Variants in STOX1 observed in about 807,000 individuals in gnomAD.
STOX1 encodes storkhead-box protein 1.
In STOX1, 57 loss-of-function variants were observed where a neutral mutation model predicts 74.8. The observed-to-expected ratio is 0.76, with a 90% CI of 0.62 to 0.95. The LOEUF (loss-of-function observed/expected upper bound fraction) is 0.95. Ranked by LOEUF, STOX1 falls within the 40% of genes least tolerant of loss-of-function variation. The pLI, the probability that STOX1 is intolerant of heterozygous loss-of-function variation, is 0.00. For missense variants in STOX1, 1,010 were observed against 1,117.0 expected, an observed-to-expected ratio of 0.90 and a Z score of 1.37; for synonymous variants, 375 against 401.3, an observed-to-expected ratio of 0.93 and a Z score of 0.78.
At chr10:68,839,420 G>A (rs911007384) in intron 1 of STOX1, among the ~76,000 whole-genome samples, 2 of 151,912 alleles carry the variant, frequency 1.3e-5, no homozygotes, top group African/African-American at 2.4e-5. Context: ...ACAGGGTCTC[G>A]CTCTTTTGCC....
At chr10:68,831,421 G>T (rs1176558166) in intron 1 of STOX1, among the ~76,000 whole-genome samples, 1 of 152,148 alleles carries the variant, frequency 6.6e-6, no homozygotes, top group African/African-American at 2.4e-5. Flanking sequence ...TCCTGACTCA[G>T]GTGATCCGCC....
chr10:68,878,645 A>G lies in STOX1; in HGVS notation c.311-3313A>G, dbSNP rs182507294. Among the ~76,000 whole-genome samples, 18 of 152,310 alleles carry G rather than the reference A, an allele frequency of 1.2e-4. No individual in the cohort carries two copies. In the East Asian group the frequency reaches 3.5e-3, roughly 29 times the overall value. ...AGAAGCTTAAGCAAACAAGGGAACAATGGAAAGTATAACAGCAAACTGCTT... is the reference window on the plus strand; with the variant it reads ...AGAAGCTTAAGCAAACAAGGGAACAGTGGAAAGTATAACAGCAAACTGCTT... On this transcript the variant is annotated intron_variant, in intron 1 of 3. Transcript: ENST00000298596.
chr10:68,850,732 G>C (rs1839963399), intron 1 of STOX1, among the ~76,000 whole-genome samples: 1 of 152,222 alleles, frequency 6.6e-6, no homozygotes, highest in Non-Finnish European at 1.5e-5. Context: ...CCAGCACTGG[G>C]AGGCCAAGGC....
intron 1 of STOX1, among the ~76,000 whole-genome samples, chr10:68,836,693 C>G (rs779315204): frequency 1.3e-5 from 2 of 152,204 alleles, no homozygotes; most frequent in Non-Finnish European, 2.9e-5. Context: ...AGCCTATCCT[C>G]TCACTTCTCT....
chr10:68,873,656 T>C (rs1564583326), intron 1 of STOX1, among the ~76,000 whole-genome samples: 1 of 143,346 alleles, frequency 7.0e-6, no homozygotes, highest in Non-Finnish European at 1.5e-5. Context: ...TTTTTCTTTT[T>C]TTTTTTTTTC....
At position 68,884,343 on chromosome 10, in the gene STOX1, G is replaced by A. The variant is rs1171359554; in HGVS notation, c.547G>A (p.Gly183Arg). Residue 183 changes from glycine to arginine, a missense_variant, in exon 3 of 4, where the codon GGA becomes AGA. Transcript: ENST00000298596. ...KERKIYHTGEGYFIVTPQTYF... is the reference protein window; with the variant it reads ...KERKIYHTGERYFIVTPQTYF... ...AAGGAAGATTTATCACACTGGAGAA[G>A]GATACTTCATAGTTACTCCTCAGAC... The A allele has an allele frequency of 6.2e-7, 1 of 1,614,138 alleles. No homozygotes were observed. Among genetic ancestry groups the A allele is most frequent in the Non-Finnish European group, 8.5e-7 (1 of 1,180,006 alleles).
At chr10:68,849,190 T>C (rs941300584) in intron 1 of STOX1, among the ~76,000 whole-genome samples, 1 of 152,298 alleles carries the variant, frequency 6.6e-6, no homozygotes, top group East Asian at 1.9e-4. Context: ...AGGCTTTGCT[T>C]TTTCAGGTTC....
intron 1 of STOX1, chr10:68,829,130 T>C: frequency 6.3e-6 from 2 of 315,406 alleles, no homozygotes; most frequent in Non-Finnish European, 9.2e-6. Context: ...CCCCTCTGTA[T>C]TAGTCCATAA....
chr10:68,855,784 G>A (rs1173874157), intron 1 of STOX1, among the ~76,000 whole-genome samples: 1 of 151,744 alleles, frequency 6.6e-6, no homozygotes, highest in Non-Finnish European at 1.5e-5. Context: ...CTCTTAATGT[G>A]TCCTCTCATC....
In STOX1 at chr10:68,827,879, G is replaced by T. The variant is rs1329756259; in HGVS notation, c.256G>T (p.Ala86Ser). ...CGCCTGCCTGCAGGTGCTGCGCGATGCCTGGCGGCGCCGGGCCCTGCGGCC... is the reference window on the plus strand; with the variant it reads ...CGCCTGCCTGCAGGTGCTGCGCGATTCCTGGCGGCGCCGGGCCCTGCGGCC... Reference protein sequence around the residue: ...PPACLQVLRDAWRRRALRPPR... With the variant: ...PPACLQVLRDSWRRRALRPPR... The change falls in exon 1 of 4, where the codon GCC (alanine) becomes TCC (serine). Residue 86 changes from alanine to serine, a missense_variant. By Grantham distance (99) the Ala-to-Ser change is moderately conservative. Transcript: ENST00000298596. 1 of 128,480 alleles carries T rather than the reference G, an allele frequency of 7.8e-6. No homozygotes were observed. The highest frequency in any genetic ancestry group is 1.1e-4 in the African/African-American group (1 of 9,178). 8.0% of individuals were successfully genotyped at this position (128,480 alleles called of 1,614,324 possible).
intron 1 of STOX1, among the ~76,000 whole-genome samples, chr10:68,830,502 C>T (rs1044946296): frequency 6.6e-6 from 1 of 152,058 alleles, no homozygotes; most frequent in African/African-American, 2.4e-5. Flanking sequence ...GCCACCTTAC[C>T]TGGCTAATTT....
intron 1 of STOX1, among the ~76,000 whole-genome samples, chr10:68,856,107 G>C (rs891965374): frequency 2.6e-5 from 4 of 151,850 alleles, no homozygotes; most frequent in Admixed American, 2.6e-4. Context: ...CAGGTTGGGA[G>C]AGCAGGGCAA....
chr10:68,892,842 C>T lies in STOX1; in HGVS notation c.*106C>T. 2 of 1,235,478 alleles carry T rather than the reference C, an allele frequency of 1.6e-6. 1 individual carries two copies. The highest frequency in any genetic ancestry group is 2.7e-5 in the South Asian group (2 of 74,610). 76.5% of individuals were successfully genotyped at this position (1,235,478 alleles called of 1,614,324 possible). A position where few individuals can be genotyped will look rare whatever the true frequency, so the allele number is the denominator to read the frequency against. Reference sequence around the variant, plus strand: ...TATATAAGAATTGTCTAAAGGCAAGCATATCTATACTATTAACCACATTAC... The same window carrying T: ...TATATAAGAATTGTCTAAAGGCAAGTATATCTATACTATTAACCACATTAC... On this transcript the variant is annotated 3_prime_UTR_variant, in exon 4 of 4. Coordinates refer to ENST00000298596, the MANE Select transcript of STOX1 (RefSeq NM_152709.5).
chr10:68,891,631 G>A (rs557777857), intron 3 of STOX1, among the ~76,000 whole-genome samples: 8 of 151,810 alleles, frequency 5.3e-5, no homozygotes, highest in East Asian at 2.0e-4. Flanking sequence ...GTGAAACCCC[G>A]TCTGTACTAA....
intron 1 of STOX1, among the ~76,000 whole-genome samples, chr10:68,834,411 G>A (rs1403213458): frequency 6.6e-6 from 1 of 152,106 alleles, no homozygotes; most frequent in Non-Finnish European, 1.5e-5. Context: ...ATGGTGTGGG[G>A]GAGTGTGTAC....
chr10:68,833,185 A>G (rs1839455626), intron 1 of STOX1, among the ~76,000 whole-genome samples: 2 of 149,658 alleles, frequency 1.3e-5, no homozygotes, highest in South Asian at 4.2e-4. Flanking sequence ...TCCCAGGTTC[A>G]AGGGATTCTC....
intron 2 of STOX1, among the ~76,000 whole-genome samples, 157 bp downstream of exon 2, chr10:68,882,267 A>C (rs977432855): frequency 1.3e-5 from 2 of 152,204 alleles, no homozygotes; most frequent in Admixed American, 6.5e-5. Context: ...TGCATCAACA[A>C]ATTTGATAAG....
rs11293142 is a variant in STOX1 at position 68,872,917 on chromosome 10, CTT to C, written c.311-9031_311-9030del. Among the ~76,000 whole-genome samples the C allele has an allele frequency of 1.6e-3, 242 of 150,902 alleles. 1 individual carries two copies. The Middle Eastern group carries it at 0.021, about 13-fold the overall frequency. On this transcript the variant is annotated intron_variant, in intron 1 of 3. Coordinates refer to ENST00000298596, the MANE Select transcript of STOX1 (RefSeq NM_152709.5). The stretch of plus-strand genomic sequence containing the variant: ...TTAATGTAAAATAAGCGTAATTGTT[CTT>C]TTTTTTTTTCCCCTTAACGGTACAG...
intron 1 of STOX1, among the ~76,000 whole-genome samples, chr10:68,853,724 C>A (rs1451390156): frequency 6.6e-6 from 1 of 151,530 alleles, no homozygotes; most frequent in Non-Finnish European, 1.5e-5. Flanking sequence ...TTCACTCTTG[C>A]TGCCAGGCTG....
Sources: gnomAD v4.1 joint callset for allele counts (sites outside exome capture counted in the v4.1 genomes callset) on GRCh38, gnomAD v4.1.1 for gene constraint, MANE v1.5 for transcripts, NCBI Gene and HGNC (gene_info 2026-07-23, HGNC 2026-07-21) for gene names.